RALGPS1: variants seen among roughly 807,000 people sequenced by gnomAD.
RALGPS1 encodes Ral GEF with PH domain and SH3 binding motif 1.
Under a neutral mutation model 78.8 loss-of-function variants are expected in RALGPS1, and 19 were observed. The ratio of observed to expected loss-of-function variants is 0.24; its 90% CI spans 0.17 to 0.35. The LOEUF is 0.35. Ranked by LOEUF, RALGPS1 falls within the 10% of genes least tolerant of loss-of-function variation. RALGPS1 has a pLI of 1.00. For missense variants in RALGPS1, 454 were observed against 688.3 expected (o/e 0.66, Z 3.81); for synonymous variants, 228 against 256.3 (o/e 0.89, Z 1.06).
chr9:127,150,421 C>T (rs1039630690), intron 8 of RALGPS1, among the ~76,000 whole-genome samples: 1 of 152,220 alleles, frequency 6.6e-6, no homozygotes. Context: ...CAAATTACTC[C>T]TCTTTCACCA....
At chr9:127,104,914 G>T (rs930005142) in intron 8 of RALGPS1, among the ~76,000 whole-genome samples, 1 of 152,346 alleles carries the variant, frequency 6.6e-6, no homozygotes, top group Non-Finnish European at 1.5e-5. Context: ...TGTCTTCCAG[G>T]ATAAGAACCT....
chr9:126,947,421 G>A (rs1196688832), intron 1 of RALGPS1, among the ~76,000 whole-genome samples: 1 of 152,174 alleles, frequency 6.6e-6, no homozygotes, highest in Non-Finnish European at 1.5e-5. Context: ...GGAGCATTTT[G>A]GATTTTGGAT....
intron 4 of RALGPS1, among the ~76,000 whole-genome samples, chr9:126,997,117 G>A (rs544535336): frequency 2.6e-5 from 4 of 151,970 alleles, no homozygotes; most frequent in South Asian, 2.1e-4. Flanking sequence ...CTTTGAAAAC[G>A]GGCACAAGAC....
At chr9:127,179,526 CG>C (rs1413173421) in intron 11 of RALGPS1, among the ~76,000 whole-genome samples, 3 of 152,212 alleles carry the variant, frequency 2.0e-5, no homozygotes, top group Non-Finnish European at 2.9e-5. Flanking sequence ...GGCTTCAGCT[CG>C]GTGCCCTTTC....
rs114663116 is a variant in RALGPS1 at position 127,000,103 on chromosome 9, T to C, written c.216+22358T>C. Among the ~76,000 whole-genome samples the C allele has an allele frequency of 8.0e-3, 1,224 of 152,310 alleles. 24 individuals carry two copies. Among genetic ancestry groups the C allele is most frequent in the African/African-American group, 0.028 (1,156 of 41,560 alleles). On this transcript the variant is annotated intron_variant, in intron 4 of 18. Coordinates refer to ENST00000259351, the MANE Select transcript of RALGPS1 (RefSeq NM_014636.3). ...GTAATTTGTATCTCTTTGCTTTTTTTCCCCTGGTCAGTCCAGCTAAAATTT... is the reference window on the plus strand; with the variant it reads ...GTAATTTGTATCTCTTTGCTTTTTTCCCCCTGGTCAGTCCAGCTAAAATTT...
chr9:127,073,782 C>A (rs894239984), intron 8 of RALGPS1, among the ~76,000 whole-genome samples: 1 of 152,056 alleles, frequency 6.6e-6, no homozygotes, highest in African/African-American at 2.4e-5. Flanking sequence ...TAATAATAAC[C>A]ATTGTGGCTG....
intron 8 of RALGPS1, among the ~76,000 whole-genome samples, chr9:127,150,950 G>A (rs1412979351): frequency 3.3e-5 from 5 of 152,244 alleles, no homozygotes; most frequent in African/African-American, 1.2e-4. Flanking sequence ...TTGGGAGACC[G>A]AGGCGGGCGG....
At chr9:127,037,476 A>G (rs183101859) in intron 5 of RALGPS1, among the ~76,000 whole-genome samples, 7 of 152,376 alleles carry the variant, frequency 4.6e-5, no homozygotes, top group Admixed American at 2.0e-4. Flanking sequence ...CTGAAACCCC[A>G]GCTCAAACTC....
chr9:127,092,071 G>T, intron 8 of RALGPS1: 2 of 1,068,060 alleles, frequency 1.9e-6, no homozygotes, highest in Non-Finnish European at 2.7e-6. Flanking sequence ...ACCTGGTTCA[G>T]ACCCCTACTC....
At chr9:126,989,734 A>G (rs1269199968) in intron 4 of RALGPS1, among the ~76,000 whole-genome samples, 1 of 152,218 alleles carries the variant, frequency 6.6e-6, no homozygotes, top group African/African-American at 2.4e-5. Context: ...ATTAACAGAA[A>G]TGTTTTGGGA....
chr9:127,176,531 T>C (rs1272155042), intron 11 of RALGPS1, among the ~76,000 whole-genome samples: 3 of 152,170 alleles, frequency 2.0e-5, no homozygotes, highest in Non-Finnish European at 2.9e-5. Context: ...GTGCCAGAAT[T>C]CTGGAGCAAA....
At chr9:127,145,603 G>A (rs912710774) in intron 8 of RALGPS1, among the ~76,000 whole-genome samples, 10 of 152,196 alleles carry the variant, frequency 6.6e-5, no homozygotes, top group Admixed American at 1.3e-4. Flanking sequence ...GACTCAGGCC[G>A]GGGAGGGCTG....
chr9:127,181,117 C>G (rs907040487), intron 11 of RALGPS1, among the ~76,000 whole-genome samples: 3 of 152,242 alleles, frequency 2.0e-5, no homozygotes, highest in Non-Finnish European at 2.9e-5. Flanking sequence ...AGGGCAGTCA[C>G]GAAAGCCTGC....
intron 14 of RALGPS1, among the ~76,000 whole-genome samples, chr9:127,200,023 C>G (rs2061547372): frequency 6.6e-6 from 1 of 152,176 alleles, no homozygotes; most frequent in South Asian, 2.1e-4. Context: ...CAGGCACACG[C>G]TCACACATGT....
intron 8 of RALGPS1, among the ~76,000 whole-genome samples, chr9:127,101,674 A>G (rs1210490536): frequency 6.6e-6 from 1 of 152,208 alleles, no homozygotes; most frequent in African/African-American, 2.4e-5. Flanking sequence ...CTTTGTGGGA[A>G]AGCCTGGACA....
chr9:127,037,468 G>C (rs1315217866), intron 5 of RALGPS1, among the ~76,000 whole-genome samples: 1 of 152,226 alleles, frequency 6.6e-6, no homozygotes, highest in African/African-American at 2.4e-5. Context: ...GCTAATGACT[G>C]AAACCCCAGC....
chr9:127,168,804 C>G, intron 10 of RALGPS1, 32 bp downstream of exon 10: 6 of 1,548,692 alleles, frequency 3.9e-6, no homozygotes, highest in Non-Finnish European at 5.4e-6. Flanking sequence ...TGTCAGGCCT[C>G]CCAGCCCCAC....
intron 1 of RALGPS1, among the ~76,000 whole-genome samples, chr9:126,960,748 C>T (rs1428193738): frequency 6.6e-6 from 1 of 152,148 alleles, no homozygotes; most frequent in Non-Finnish European, 1.5e-5. Flanking sequence ...TTCACATAGG[C>T]ATCACAGATT....
At chr9:127,152,461 G>A (rs1304232794) in intron 8 of RALGPS1, among the ~76,000 whole-genome samples, 1 of 152,184 alleles carries the variant, frequency 6.6e-6, no homozygotes, top group Non-Finnish European at 1.5e-5. Flanking sequence ...AAAAGAGTGA[G>A]TCAGAGCATT....
Sources: allele counts gnomAD v4.1 joint callset (sites outside exome capture counted in the v4.1 genomes callset), GRCh38; gene constraint gnomAD v4.1.1; transcripts MANE v1.5; gene names NCBI Gene and HGNC (gene_info 2026-07-23, HGNC 2026-07-21).